TMEM116: variants seen among roughly 807,000 people sequenced by gnomAD.
TMEM116 encodes transmembrane protein 116.
TMEM116 carries 38 observed loss-of-function variants against 44.3 expected under a neutral mutation model. That is an observed-to-expected ratio of 0.86 (90% confidence interval 0.66 to 1.12). TMEM116 has a LOEUF of 1.12. Ranked by LOEUF, TMEM116 falls within the 50% of genes most tolerant of loss-of-function variation. The probability of loss-of-function intolerance (pLI) is 0.00; values close to 1 mark genes in which losing one functional copy is unlikely to be tolerated. For missense variants in TMEM116, 354 were observed against 401.7 expected, an observed-to-expected ratio of 0.88 and a Z score of 1.01; for synonymous variants, 132 against 144.8, an observed-to-expected ratio of 0.91 and a Z score of 0.64.
intron 4 of TMEM116, among the ~76,000 whole-genome samples, chr12:111,963,699 G>C (rs896985771): frequency 4.6e-5 from 7 of 152,128 alleles, no homozygotes; most frequent in Non-Finnish European, 1.0e-4. Context: ...ATAGCATTAG[G>C]AGAAATACCT....
At chr12:111,979,973 C>T (rs560548907) in intron 4 of TMEM116, among the ~76,000 whole-genome samples, 1 of 152,258 alleles carries the variant, frequency 6.6e-6, no homozygotes, top group East Asian at 1.9e-4. Context: ...TCATTTATTG[C>T]TGGTGGGAAT....
intron 4 of TMEM116, among the ~76,000 whole-genome samples, chr12:111,980,705 G>A (rs2075888583): frequency 6.6e-6 from 1 of 152,056 alleles, no homozygotes; most frequent in Non-Finnish European, 1.5e-5. Context: ...GTATTTGCCC[G>A]ATTTTTCTGT....
chr12:111,999,336 G>A (rs1401662240), intron 3 of TMEM116, among the ~76,000 whole-genome samples: 4 of 152,028 alleles, frequency 2.6e-5, no homozygotes, highest in Non-Finnish European at 4.4e-5. Flanking sequence ...GGTGACTCAC[G>A]CCTGTAATCC....
rs2073014799 is a variant in TMEM116 at position 111,943,291 on chromosome 12, G to C, written c.289C>G (p.Gln97Glu). The change falls in exon 5 of 11, where the codon CAG (glutamine) becomes GAG (glutamate). Residue 97 changes from glutamine to glutamate, a missense_variant. By Grantham distance (29) the Gln-to-Glu change is conservative. Coordinates refer to ENST00000552374, the MANE Select transcript of TMEM116 (RefSeq NM_001193531.2). ...AGTGGAGATGTGCTCTGTCCACTCT[G>C]GGTGTGTTTCATCCTCAGCTCTGTG... ...LYTELRMKHT[Q>E]SGQSTSPLVI... 1 of 1,613,588 alleles carries C rather than the reference G, an allele frequency of 6.2e-7. No individual in the cohort carries two copies. The highest frequency in any genetic ancestry group is 8.5e-7 in the Non-Finnish European group (1 of 1,179,712).
At chr12:111,942,474 G>A (rs1440187878) in intron 5 of TMEM116, among the ~76,000 whole-genome samples, 5 of 151,914 alleles carry the variant, frequency 3.3e-5, no homozygotes, top group South Asian at 2.1e-4. Flanking sequence ...GAGTTTCACC[G>A]TGTTAGCCCG....
chr12:111,975,411 C>T (rs535138452), intron 4 of TMEM116, among the ~76,000 whole-genome samples: 1 of 152,242 alleles, frequency 6.6e-6, no homozygotes, highest in East Asian at 1.9e-4. Flanking sequence ...CTGCCTCAGC[C>T]TCCCAAAGTA....
In TMEM116 at chr12:111,943,371, T is replaced by C. The variant is rs376565696; in HGVS notation, c.211-2A>G. The C allele has an allele frequency of 3.7e-6, 6 of 1,603,628 alleles. No individual in the cohort carries two copies. The Admixed American group carries it at 5.0e-5, about 13-fold the overall frequency. On this transcript the variant is annotated splice_acceptor_variant, in intron 4 of 10. Coordinates refer to ENST00000552374, the MANE Select transcript of TMEM116 (RefSeq NM_001193531.2). LOFTEE classifies it high-confidence loss of function. ...GAGAAATGAGGAAATGTAGAATATC[T>C]AGGTTAAAATCAAAACAACCCATCA...
In TMEM116 at chr12:111,958,277, T is replaced by TAAAAAAA. The variant is rs61637468; in HGVS notation, c.211-14915_211-14909dup. Among the ~76,000 whole-genome samples, 40 of 27,522 alleles carry TAAAAAAA rather than the reference T, an allele frequency of 1.5e-3. 3 individuals are homozygous for TAAAAAAA. Among genetic ancestry groups the TAAAAAAA allele is most frequent in the Non-Finnish European group, 3.3e-3 (36 of 11,054 alleles). 18.1% of individuals were successfully genotyped at this position (27,522 alleles called of 152,430 possible). A position where few individuals can be genotyped will look rare whatever the true frequency, so the allele number is the denominator to read the frequency against. On this transcript the variant is annotated intron_variant, in intron 4 of 10. Coordinates refer to ENST00000552374, the MANE Select transcript of TMEM116 (RefSeq NM_001193531.2). Reference sequence around the variant, plus strand: ...ACACCCACGAATGATCAATAAATACTAAAAAAAAAAAAAAAAAAAAAAAAA... The same window carrying TAAAAAAA: ...ACACCCACGAATGATCAATAAATACTAAAAAAAAAAAAAAAAAAAAAAAAAAAAAAAA...
At chr12:111,958,522 C>T (rs1031871298) in intron 4 of TMEM116, among the ~76,000 whole-genome samples, 3 of 152,054 alleles carry the variant, frequency 2.0e-5, no homozygotes, top group Non-Finnish European at 4.4e-5. Context: ...AAGTAGGCTT[C>T]AGAAGGTGGG....
intron 4 of TMEM116, among the ~76,000 whole-genome samples, chr12:111,957,406 G>A (rs1041783703): frequency 6.6e-6 from 1 of 151,766 alleles, no homozygotes; most frequent in African/African-American, 2.4e-5. Flanking sequence ...CGCCCCATCT[G>A]GGAAGTGGGG....
chr12:111,993,551 C>T, intron 3 of TMEM116: 1 of 545,730 alleles, frequency 1.8e-6, no homozygotes, highest in South Asian at 1.6e-5. Flanking sequence ...CAAATTCAAA[C>T]CCAACCAGGT....
intron 4 of TMEM116, among the ~76,000 whole-genome samples, chr12:111,990,688 T>C (rs1449031414): frequency 6.6e-6 from 1 of 152,202 alleles, no homozygotes; most frequent in Non-Finnish European, 1.5e-5. Flanking sequence ...TCACACTGCG[T>C]GTCTCAGAAA....
intron 1 of TMEM116, among the ~76,000 whole-genome samples, chr12:112,009,852 A>T (rs945435284): frequency 2.0e-5 from 3 of 152,132 alleles, no homozygotes; most frequent in Non-Finnish European, 4.4e-5. Flanking sequence ...TCAAAAAAAA[A>T]AAAAACAAAA....
intron 4 of TMEM116, among the ~76,000 whole-genome samples, chr12:111,958,277 T>TAACA (rs1491480651): frequency 9.4e-4 from 26 of 27,518 alleles, no homozygotes; most frequent in African/African-American, 3.2e-3. Flanking sequence ...CAATAAATAC[T>TAACA]AAAAAAAAAA....
chr12:111,975,228 TC>T (rs1441847376), intron 4 of TMEM116, among the ~76,000 whole-genome samples: 1 of 152,240 alleles, frequency 6.6e-6, no homozygotes, highest in East Asian at 1.9e-4. Flanking sequence ...CACTGTAGCC[TC>T]AACCTCCTGG....
chr12:111,981,122 C>T (rs1164918009), intron 4 of TMEM116, among the ~76,000 whole-genome samples: 1 of 151,550 alleles, frequency 6.6e-6, no homozygotes, highest in East Asian at 1.9e-4. Context: ...GCCATTATAC[C>T]TCAATTAAGC....
At chr12:111,957,564 C>T (rs1367639862) in intron 4 of TMEM116, among the ~76,000 whole-genome samples, 1 of 151,580 alleles carries the variant, frequency 6.6e-6, no homozygotes, top group Admixed American at 6.6e-5. Flanking sequence ...GCCAGCCGCC[C>T]CGTCTGGGAG....
intron 4 of TMEM116, among the ~76,000 whole-genome samples, chr12:111,976,445 ACT>A (rs2075677236): frequency 1.3e-5 from 2 of 152,268 alleles, no homozygotes; most frequent in South Asian, 4.1e-4. Flanking sequence ...GCGCCACTGC[ACT>A]CTAGCCTGGG....
intron 1 of TMEM116, among the ~76,000 whole-genome samples, chr12:112,007,136 C>T (rs1354855412): frequency 2.0e-5 from 3 of 152,178 alleles, no homozygotes; most frequent in African/African-American, 7.2e-5. Context: ...TAAAACACGG[C>T]CAGTGTGCTG....
Sources: allele counts gnomAD v4.1 joint callset (sites outside exome capture counted in the v4.1 genomes callset), GRCh38; gene constraint gnomAD v4.1.1; transcripts MANE v1.5; gene names NCBI Gene and HGNC (gene_info 2026-07-23, HGNC 2026-07-21).